TOP1: variants seen among roughly 807,000 people sequenced by gnomAD.
The protein encoded by TOP1 is DNA topoisomerase 1.
A neutral mutation model predicts 111.1 loss-of-function variants in TOP1; 10 were observed. The ratio of observed to expected loss-of-function variants is 0.09; its 90% CI spans 0.06 to 0.15. The LOEUF (loss-of-function observed/expected upper bound fraction) is 0.15. Ranked by LOEUF, TOP1 falls within the 10% of genes least tolerant of loss-of-function variation. TOP1 has a pLI of 1.00. For synonymous variants in TOP1, 271 were observed against 302.9 expected, an observed-to-expected ratio of 0.89 and a Z score of 1.10; for missense variants, 474 against 926.7, an observed-to-expected ratio of 0.51 and a Z score of 6.34.
intron 3 of TOP1, among the ~76,000 whole-genome samples, chr20:41,075,067 T>A (rs2033710200): frequency 6.6e-6 from 1 of 152,228 alleles, no homozygotes; most frequent in Non-Finnish European, 1.5e-5. Context: ...GTTTCCCCTC[T>A]TGTTAGGTGT....
intron 8 of TOP1, among the ~76,000 whole-genome samples, chr20:41,087,490 T>C (rs1214697969): frequency 1.3e-5 from 2 of 152,218 alleles, no homozygotes; most frequent in East Asian, 3.8e-4. Flanking sequence ...GAGTTTTCAA[T>C]CTCTTAGCAA....
At chr20:41,091,480 G>C (rs2033918614) in intron 8 of TOP1, among the ~76,000 whole-genome samples, 1 of 151,862 alleles carries the variant, frequency 6.6e-6, no homozygotes, top group Non-Finnish European at 1.5e-5. Flanking sequence ...AATATTTAGT[G>C]GTGAAGTATC....
rs1287389375 is a variant in TOP1, at chr20:41,124,175, T to TAA, written c.*882_*883dup. 1 of 232,836 alleles carries TAA rather than the reference T, an allele frequency of 4.3e-6. No homozygotes were observed. Among genetic ancestry groups the TAA allele is most frequent in the Non-Finnish European group, 8.5e-6 (1 of 117,678 alleles). The allele number at this position is 232,836 out of a possible 1,614,324, so 14.4% of individuals were successfully genotyped here. ...CTTTCACTTGAAAGATTTTATTGTA[T>TAA]AAAAAGTTTCACAGGTCAATAAACT... On this transcript the variant is annotated 3_prime_UTR_variant, in exon 21 of 21. Transcript: ENST00000361337. The surrounding 1 kb of genome is among the most constrained non-coding windows in gnomAD (Gnocchi z 5.4).
At chr20:41,057,190 C>G (rs1228993240) in intron 2 of TOP1, among the ~76,000 whole-genome samples, 1 of 151,298 alleles carries the variant, frequency 6.6e-6, no homozygotes, top group African/African-American at 2.4e-5. Flanking sequence ...TGCTTGAACC[C>G]GGGAGGCTGA....
intron 7 of TOP1, among the ~76,000 whole-genome samples, chr20:41,084,245 T>C (rs985119180): frequency 1.3e-5 from 2 of 152,170 alleles, no homozygotes; most frequent in Admixed American, 1.3e-4. Flanking sequence ...TTAACTACTT[T>C]CTCAAGTAGT....
intron 3 of TOP1, among the ~76,000 whole-genome samples, chr20:41,070,795 T>G (rs1323517538): frequency 6.6e-6 from 1 of 152,228 alleles, no homozygotes; most frequent in African/African-American, 2.4e-5. Context: ...AGTGCTTTTT[T>G]GCTTTGTTTG....
Position 41,097,508 on chromosome 20 carries a change from G to A in TOP1, c.852+167G>A, listed in dbSNP as rs2033998363. Among the ~76,000 whole-genome samples the A allele has an allele frequency of 6.6e-6, 1 of 152,070 alleles. No individual in the cohort carries two copies. The highest frequency in any genetic ancestry group is 6.6e-5 in the Admixed American group (1 of 15,260). On this transcript the variant is annotated intron_variant, in intron 10 of 20. Coordinates refer to ENST00000361337, the MANE Select transcript of TOP1 (RefSeq NM_003286.4). This position sits in a 1 kb window ranked among gnomAD's most constrained non-coding sequence, Gnocchi z 4.2. ...GTCTTCATTTACTATATTATGTAGG[G>A]TTTCTGTCCAACAAGAGTACTTGTA... is the stretch of plus-strand genomic sequence containing the variant.
At chr20:41,119,746 T>G (rs1435844715) in intron 18 of TOP1, among the ~76,000 whole-genome samples, 1 of 152,248 alleles carries the variant, frequency 6.6e-6, no homozygotes, top group African/African-American at 2.4e-5. Context: ...TGAATGAGTA[T>G]ACATCCATAG....
In TOP1 at chr20:41,112,380, T is replaced by C. The variant is rs1412324245; in HGVS notation, c.1309-402T>C. Among the ~76,000 whole-genome samples the C allele has an allele frequency of 6.6e-6, 1 of 152,222 alleles. No individual in the cohort carries two copies. The highest frequency in any genetic ancestry group is 1.9e-4 in the East Asian group (1 of 5,196). ...GTTTTTGGGACATCCCATGTGGGTT[T>C]TTCCCAGGAACATAAACATTTTAGA... On this transcript the variant is annotated intron_variant, in intron 13 of 20. Transcript: ENST00000361337. This position sits in a 1 kb window ranked among gnomAD's most constrained non-coding sequence, Gnocchi z 5.8.
At chr20:41,120,317 A>G (rs1035919959) in intron 18 of TOP1, among the ~76,000 whole-genome samples, 1 of 152,216 alleles carries the variant, frequency 6.6e-6, no homozygotes, top group Non-Finnish European at 1.5e-5. Context: ...ATATTTAGTG[A>G]TCCTCTCACA....
At chr20:41,057,878 T>A (rs1362954465) in intron 2 of TOP1, among the ~76,000 whole-genome samples, 1 of 152,236 alleles carries the variant, frequency 6.6e-6, no homozygotes, top group Non-Finnish European at 1.5e-5. Context: ...CTATTACATG[T>A]ATTGTCATTA....
intron 8 of TOP1, 118 bp downstream of exon 8, chr20:41,084,686 TTTCTC>T: frequency 8.2e-6 from 5 of 610,602 alleles, no homozygotes; most frequent in Non-Finnish European, 1.4e-5. Flanking sequence ...CTTTAAACAA[TTTCTC>T]TAGAGTAACT....
In TOP1 at chr20:41,067,200, A is replaced by G. The variant is rs1391554382; in HGVS notation, c.155+5710A>G. Reference sequence around the variant, plus strand: ...AGTGGTGTGATCTCGGCTCACTGCAACCTCTGCCTCCTGGGTTCAAGCGAT... The same window carrying G: ...AGTGGTGTGATCTCGGCTCACTGCAGCCTCTGCCTCCTGGGTTCAAGCGAT... On this transcript the variant is annotated intron_variant, in intron 3 of 20. Transcript: ENST00000361337. The surrounding 1 kb of genome is among the most constrained non-coding windows in gnomAD (Gnocchi z 4.0). Among the ~76,000 whole-genome samples the G allele has an allele frequency of 6.7e-6, 1 of 150,266 alleles. No individual in the cohort carries two copies. The highest frequency in any genetic ancestry group is 1.5e-5 in the Non-Finnish European group (1 of 67,354).
At chr20:41,053,125 C>G (rs2033426659) in intron 2 of TOP1, among the ~76,000 whole-genome samples, 1 of 152,308 alleles carries the variant, frequency 6.6e-6, no homozygotes, top group South Asian at 2.1e-4. Flanking sequence ...GTATGTCTCA[C>G]TTAATTTTGC....
intron 3 of TOP1, chr20:41,073,555 C>T: frequency 1.2e-6 from 1 of 822,560 alleles, no homozygotes. Context: ...ACCAGTATAC[C>T]TTAAGCAGTA....
rs2033804545 is a variant in TOP1, at chr20:41,082,845, T to TC, written c.507+1605_507+1606insC. 6.6e-6 allele frequency among the ~76,000 whole-genome samples: 1 copy of TC among 151,710 alleles called. No individual in the cohort carries two copies. The highest frequency in any genetic ancestry group is 1.5e-5 in the Non-Finnish European group (1 of 67,916). On this transcript the variant is annotated intron_variant, in intron 7 of 20. Coordinates refer to ENST00000361337, the MANE Select transcript of TOP1 (RefSeq NM_003286.4). This position sits in a 1 kb window ranked among gnomAD's most constrained non-coding sequence, Gnocchi z 4.1. ...ACTTGAGTTCTCCAAGTGTTTTTTTTTTATGTTTATATTGCATTTATGCAA... is the reference window on the plus strand; with the variant it reads ...ACTTGAGTTCTCCAAGTGTTTTTTTTCTTATGTTTATATTGCATTTATGCAA...
chr20:41,084,532 A>C lies in TOP1; in HGVS notation c.578A>C (p.Lys193Thr). The C allele has an allele frequency of 6.4e-7, 1 of 1,574,658 alleles. No homozygotes were observed. The highest frequency in any genetic ancestry group is 8.6e-7 in the Non-Finnish European group (1 of 1,158,456). Residue 193 changes from lysine to threonine, a missense_variant, in exon 8 of 21, where the codon AAG becomes ACG. Lys to Thr is a moderately conservative substitution (Grantham distance 78). Around this residue, in one of 14 missense-constraint regions of TOP1, gnomAD observed 185 missense variants for 226.3 expected, o/e 0.82. Coordinates refer to ENST00000361337, the MANE Select transcript of TOP1 (RefSeq NM_003286.4). Reference sequence around the variant, plus strand: ...GTTCCTGAGCCAGATAACAAGAAAAAGAAGCCGAAGAAAGAAGAGGAACAG... The same window carrying C: ...GTTCCTGAGCCAGATAACAAGAAAACGAAGCCGAAGAAAGAAGAGGAACAG... ...KKVPEPDNKK[K>T]KPKKEEEQKW...
Position 41,034,540 on chromosome 20 carries a change from G to A in TOP1, c.58+5085G>A, listed in dbSNP as rs1195126121. Among the ~76,000 whole-genome samples the A allele has an allele frequency of 6.6e-6, 1 of 152,120 alleles. No homozygotes were observed. Among genetic ancestry groups the A allele is most frequent in the Non-Finnish European group, 1.5e-5 (1 of 68,036 alleles). The stretch of plus-strand genomic sequence containing the variant: ...GACAAAGTTTGATTGGGGGTTGCGG[G>A]GAAGCTTGTAGAGGAATGTCTGTTA... On this transcript the variant is annotated intron_variant, in intron 2 of 20. Coordinates refer to ENST00000361337, the MANE Select transcript of TOP1 (RefSeq NM_003286.4). The surrounding 1 kb of genome is among the most constrained non-coding windows in gnomAD (Gnocchi z 4.0).
rs1568695234 is a variant in TOP1 at position 41,094,729 on chromosome 20, G to A, written c.730+2142G>A. On this transcript the variant is annotated intron_variant, in intron 9 of 20. Transcript: ENST00000361337. The surrounding 1 kb of genome is among the most constrained non-coding windows in gnomAD (Gnocchi z 4.4). ...ATACAGTAAGTGCTGCCTACTCTCT[G>A]GGGAGGAGAATTCTTAGACTCCTTT... 1.3e-5 allele frequency among the ~76,000 whole-genome samples: 2 copies of A among 152,180 alleles called. No homozygotes were observed. The highest frequency in any genetic ancestry group is 2.9e-5 in the Non-Finnish European group (2 of 68,022).
Sources: allele counts gnomAD v4.1 joint callset (sites outside exome capture counted in the v4.1 genomes callset), GRCh38; gene constraint gnomAD v4.1.1; regional missense constraint gnomAD v4.1.1; non-coding constraint Gnocchi (gnomAD v3.1); transcripts MANE v1.5; gene names NCBI Gene and HGNC (gene_info 2026-07-23, HGNC 2026-07-21).